FYN: variants seen among roughly 807,000 people sequenced by gnomAD.
FYN encodes tyrosine-protein kinase Fyn.
FYN carries 10 observed loss-of-function variants against 70.2 expected under a neutral mutation model. That is an observed-to-expected ratio of 0.14 (90% CI 0.09 to 0.24). The LOEUF (loss-of-function observed/expected upper bound fraction) is 0.24, where lower values mean the gene tolerates loss of function less well. Among genes scored for constraint, FYN ranks in the 10% least tolerant of loss-of-function variants. The pLI is 1.00. For synonymous variants in FYN, 236 were observed against 248.6 expected, an observed-to-expected ratio of 0.95 and a Z score of 0.48; for missense variants, 319 against 673.1, an observed-to-expected ratio of 0.47 and a Z score of 5.82.
At chr6:111,755,558 A>G (rs1181832193) in intron 3 of FYN, among the ~76,000 whole-genome samples, 1 of 152,322 alleles carries the variant, frequency 6.6e-6, no homozygotes, top group East Asian at 1.9e-4. Flanking sequence ...CACAGCCCCC[A>G]TCGGAGAATA....
At position 111,677,799 on chromosome 6, in the gene FYN, G is replaced by A. The variant is rs142338562; in HGVS notation, c.1274-3169C>T. On this transcript the variant is annotated intron_variant, in intron 12 of 13. Coordinates refer to ENST00000354650, the MANE Select transcript of FYN (RefSeq NM_002037.5). The stretch of plus-strand genomic sequence containing the variant: ...CAACGGAGAAAACATCAGGAGAACC[G>A]CAATGCAGTTAACTTGGAATTGTTA... 1.8e-3 allele frequency among the ~76,000 whole-genome samples: 267 copies of A among 152,250 alleles called. 3 individuals are homozygous for A. The East Asian group carries it at 0.035, about 20-fold the overall frequency.
At chr6:111,720,361 C>T (rs1800873783) in intron 3 of FYN, among the ~76,000 whole-genome samples, 1 of 152,180 alleles carries the variant, frequency 6.6e-6, no homozygotes. Context: ...TAACAGCATA[C>T]ACCTGCCTAC....
At chr6:111,729,657 C>A (rs1252445526) in intron 3 of FYN, among the ~76,000 whole-genome samples, 2 of 152,006 alleles carry the variant, frequency 1.3e-5, no homozygotes, top group East Asian at 3.8e-4. Flanking sequence ...GTAAGGTATG[C>A]CCATAAAGAC....
intron 2 of FYN, among the ~76,000 whole-genome samples, chr6:111,831,291 G>A (rs1327203): frequency 0.18 from 28,086 of 152,000 alleles, 3,715 homozygotes; most frequent in African/African-American, 0.38. Flanking sequence ...AAGAATAACT[G>A]TTACTATTCT....
intron 5 of FYN, chr6:111,708,319 A>G (rs1234375655): frequency 4.3e-5 from 14 of 323,338 alleles, no homozygotes; most frequent in Non-Finnish European, 7.8e-5. Flanking sequence ...TAGTGTCCTT[A>G]ACTTGGATGG....
At chr6:111,811,151 C>A (rs1164068946) in intron 2 of FYN, among the ~76,000 whole-genome samples, 1 of 152,180 alleles carries the variant, frequency 6.6e-6, no homozygotes, top group Non-Finnish European at 1.5e-5. Context: ...GAGCTGTTAA[C>A]TCTAGGAGCT....
intron 3 of FYN, among the ~76,000 whole-genome samples, chr6:111,772,292 T>C (rs979394345): frequency 6.6e-6 from 1 of 152,018 alleles, no homozygotes; most frequent in African/African-American, 2.4e-5. Context: ...GGTCATACAC[T>C]ACGAATAATT....
At chr6:111,828,916 A>T (rs1772923470) in intron 2 of FYN, among the ~76,000 whole-genome samples, 1 of 152,198 alleles carries the variant, frequency 6.6e-6, no homozygotes, top group African/African-American at 2.4e-5. Flanking sequence ...TACCACAATT[A>T]AAAAAACAAC....
chr6:111,846,719 T>C (rs1669340029), intron 1 of FYN, 90 bp from the exon 2 acceptor site: 1 of 398,224 alleles, frequency 2.5e-6, no homozygotes, highest in Non-Finnish European at 4.4e-6. Flanking sequence ...ACCATAGAAT[T>C]TCCATTTGTT....
Position 111,681,656 on chromosome 6 carries a change from C to G in FYN, c.1274-7026G>C, listed in dbSNP as rs535278704. On this transcript the variant is annotated intron_variant, in intron 12 of 13. Transcript: ENST00000354650. ...CTTCATGAAGCCATCTGTGATTACT[C>G]CAGCCTTCACTAATCTCTCCAATGC... Among the ~76,000 whole-genome samples the G allele has an allele frequency of 6.5e-4, 99 of 152,156 alleles. 3 individuals are homozygous for G. Among genetic ancestry groups the G allele is most frequent in the Non-Finnish European group, 1.3e-4 (9 of 68,030 alleles).
intron 3 of FYN, among the ~76,000 whole-genome samples, chr6:111,766,229 C>A (rs980281399): frequency 2.0e-5 from 3 of 152,184 alleles, no homozygotes; most frequent in Admixed American, 1.3e-4. Context: ...TTGCCCAAGA[C>A]CCCACAGCTG....
At chr6:111,758,064 T>C (rs1283251116) in intron 3 of FYN, among the ~76,000 whole-genome samples, 1 of 152,220 alleles carries the variant, frequency 6.6e-6, no homozygotes, top group Non-Finnish European at 1.5e-5. Flanking sequence ...CTGAAAACAC[T>C]AGATTCTGAT....
chr6:111,810,052 G>C (rs1444226767), intron 2 of FYN, among the ~76,000 whole-genome samples: 1 of 152,134 alleles, frequency 6.6e-6, no homozygotes, highest in South Asian at 2.1e-4. Flanking sequence ...TAGCTCTCTG[G>C]TCAGATGGCT....
intron 3 of FYN, among the ~76,000 whole-genome samples, chr6:111,730,587 C>T (rs1355149603): frequency 6.6e-6 from 1 of 152,132 alleles, no homozygotes; most frequent in Non-Finnish European, 1.5e-5. Context: ...GGAAGGGGGC[C>T]TGCCCTCGCT....
At chr6:111,821,006 G>A (rs1772640926) in intron 2 of FYN, among the ~76,000 whole-genome samples, 2 of 151,994 alleles carry the variant, frequency 1.3e-5, no homozygotes, top group African/African-American at 4.8e-5. Flanking sequence ...GTGGGAAGGA[G>A]GATAATTTTT....
chr6:111,684,113 T>A (rs1798891294), intron 12 of FYN, among the ~76,000 whole-genome samples: 1 of 152,150 alleles, frequency 6.6e-6, no homozygotes, highest in Non-Finnish European at 1.5e-5. Flanking sequence ...CATCTGAAAT[T>A]TCATAATGTT....
At chr6:111,819,829 A>T (rs1772601778) in intron 2 of FYN, 2 of 152,194 alleles carry the variant, frequency 1.3e-5, no homozygotes, top group Admixed American at 1.3e-4. Context: ...TACCCAAATA[A>T]ATTTAAAAAA....
intron 2 of FYN, among the ~76,000 whole-genome samples, chr6:111,816,859 T>C (rs978345753): frequency 4.6e-5 from 7 of 152,228 alleles, no homozygotes; most frequent in African/African-American, 1.7e-4. Flanking sequence ...CAATGCAGTG[T>C]TGCTTCTAAC....
intron 2 of FYN, among the ~76,000 whole-genome samples, chr6:111,803,651 G>C (rs571868293): frequency 2.0e-5 from 3 of 152,108 alleles, no homozygotes; most frequent in African/African-American, 7.2e-5. Flanking sequence ...TGGGGTAGGT[G>C]GGGAAAGACC....
Sources: allele counts gnomAD v4.1 joint callset (sites outside exome capture counted in the v4.1 genomes callset), GRCh38; gene constraint gnomAD v4.1.1; transcripts MANE v1.5; gene names NCBI Gene and HGNC (gene_info 2026-07-23, HGNC 2026-07-21).